The following ANKRD36C variants were observed in gnomAD, a reference collection of about 807,000 sequenced individuals.
The protein encoded by ANKRD36C is ankyrin repeat domain-containing protein 36C.
ANKRD36C carries 61 observed loss-of-function variants against 276.4 expected under a neutral mutation model. The observed-to-expected ratio is 0.22, with a 90% confidence interval of 0.18 to 0.27. The LOEUF is 0.27. ANKRD36C is among the 10% of genes least tolerant of loss of function. ANKRD36C has a pLI of 1.00. For missense variants in ANKRD36C, 1,447 were observed against 2,032.3 expected (o/e 0.71, Z 5.54); for synonymous variants, 483 against 680.1 (o/e 0.71, Z 4.51).
At chr2:95,896,781 C>T (rs1377634808) in intron 44 of ANKRD36C, among the ~76,000 whole-genome samples, 2 of 149,330 alleles carry the variant, frequency 1.3e-5, no homozygotes, top group African/African-American at 2.5e-5. Flanking sequence ...ATATAAATGA[C>T]TTCCTCTTTT....
exon 42 of ANKRD36C, chr2:95,912,250 T>C: frequency 4.5e-6 from 7 of 1,549,270 alleles, no homozygotes; most frequent in Non-Finnish European, 6.1e-6. Context: ...TTACCTGTCC[T>C]AGATGTTTCT....
intron 12 of ANKRD36C, among the ~76,000 whole-genome samples, chr2:95,957,616 A>C (rs1414590288): frequency 6.6e-6 from 1 of 152,280 alleles, no homozygotes; most frequent in Admixed American, 6.5e-5. Context: ...AAATTATCAA[A>C]TTTGATATAC....
chr2:95,971,486 TTAAAA>T (rs1168111101), intron 6 of ANKRD36C, among the ~76,000 whole-genome samples: 4 of 152,054 alleles, frequency 2.6e-5, no homozygotes, highest in Admixed American at 1.3e-4. Flanking sequence ...AAAACTGCTC[TTAAAA>T]TAAAGTTATT....
chr2:95,912,162 A>C, intron 42 of ANKRD36C, 82 bp downstream of exon 44: 3 of 1,519,564 alleles, frequency 2.0e-6, no homozygotes, highest in Non-Finnish European at 2.7e-6. Flanking sequence ...TGCAGCTTCG[A>C]CCAGCCCCCC....
At chr2:95,902,530 T>G (rs551888886) in intron 42 of ANKRD36C, among the ~76,000 whole-genome samples, 62 of 150,638 alleles carry the variant, frequency 4.1e-4, no homozygotes, top group Admixed American at 3.6e-3. Context: ...TTCTTGGCAG[T>G]ACGATCTGAA....
chr2:95,942,285 G>A (rs1677915603), intron 19 of ANKRD36C, among the ~76,000 whole-genome samples: 1 of 152,220 alleles, frequency 6.6e-6, no homozygotes, highest in Non-Finnish European at 1.5e-5. Context: ...CAAAATATGG[G>A]ATTCAAAATT....
At chr2:95,855,296 G>A (rs770224860) in exon 63 of ANKRD36C, 5 of 1,599,612 alleles carry the variant, frequency 3.1e-6, no homozygotes, top group Non-Finnish European at 2.6e-6. Context: ...TTTCATATTG[G>A]CATTTTTTTT....
exon 38 of ANKRD36C, chr2:95,916,049 T>C (rs769874073): frequency 8.2e-6 from 13 of 1,586,022 alleles, no homozygotes; most frequent in Middle Eastern, 2.3e-4. Context: ...TCATCACTTG[T>C]AGCCTGAATG....
intron 42 of ANKRD36C, among the ~76,000 whole-genome samples, 163 bp downstream of exon 54, chr2:95,902,723 C>A (rs1308579418): frequency 1.3e-5 from 2 of 150,284 alleles, no homozygotes; most frequent in Non-Finnish European, 3.0e-5. Flanking sequence ...ATGTTCCAGA[C>A]CAGCATCATC....
chr2:95,890,685 C>A (rs564982431), intron 46 of ANKRD36C, among the ~76,000 whole-genome samples: 3 of 151,648 alleles, frequency 2.0e-5, no homozygotes, highest in East Asian at 2.0e-4. Context: ...ATAAAGATAT[C>A]ATCAATTATC....
chr2:95,852,956 A>G (rs965582029), intron 64 of ANKRD36C: 1 of 152,338 alleles, frequency 6.6e-6, no homozygotes, highest in East Asian at 1.9e-4. Flanking sequence ...TCCATTAAAC[A>G]TGCCAAAGGA....
intron 26 of ANKRD36C, among the ~76,000 whole-genome samples, chr2:95,928,160 T>C (rs796981360): frequency 1.3e-5 from 2 of 151,676 alleles, no homozygotes. Context: ...AAGTTTTACA[T>C]TCAGAAATCA....
chr2:95,850,708 G>A (rs1226507907), downstream of ANKRD36C, among the ~76,000 whole-genome samples: 2 of 152,196 alleles, frequency 1.3e-5, no homozygotes, highest in Non-Finnish European at 2.9e-5. Flanking sequence ...CAATGACAAA[G>A]TCAATGACTA....
At chr2:95,912,793 T>C (rs1676973345) in intron 40 of ANKRD36C, among the ~76,000 whole-genome samples, 1 of 151,494 alleles carries the variant, frequency 6.6e-6, no homozygotes, top group South Asian at 2.1e-4. Context: ...AGGTGCTATA[T>C]GATCCCATAT....
intron 6 of ANKRD36C, among the ~76,000 whole-genome samples, chr2:95,963,972 A>AAATATAT (rs1678521431): frequency 2.0e-5 from 1 of 48,992 alleles, no homozygotes; most frequent in Non-Finnish European, 3.7e-5. Flanking sequence ...TATATATATA[A>AAATATAT]ATATATATAT....
intron 4 of ANKRD36C, 70 bp downstream of exon 4, chr2:95,982,186 T>C (rs1385798876): frequency 3.2e-6 from 4 of 1,232,138 alleles, no homozygotes; most frequent in Non-Finnish European, 4.4e-6. Flanking sequence ...ATTTGTGACT[T>C]CAGTGACCGC....
chr2:95,889,837 A>G, exon 48 of ANKRD36C: 2 of 1,601,764 alleles, frequency 1.2e-6, no homozygotes, highest in Middle Eastern at 1.7e-4. Context: ...TTCTGTGGCC[A>G]TATTCGGAAC....
intron 44 of ANKRD36C, among the ~76,000 whole-genome samples, chr2:95,892,241 CA>C: frequency 6.6e-6 from 1 of 151,580 alleles, no homozygotes; most frequent in South Asian, 2.1e-4. Flanking sequence ...TTTCATGCAA[CA>C]AATCAAAAGG....
chr2:95,861,382 A>G (rs769120905), intron 60 of ANKRD36C, among the ~76,000 whole-genome samples: 140 of 152,052 alleles, frequency 9.2e-4, no homozygotes, highest in Non-Finnish European at 1.8e-3. Context: ...AAGAAGAGAC[A>G]GAAAAAAAAT....
Sources: allele counts gnomAD v4.1 joint callset (sites outside exome capture counted in the v4.1 genomes callset), GRCh38; gene constraint gnomAD v4.1.1; transcripts MANE v1.5; gene names NCBI Gene and HGNC (gene_info 2026-07-23, HGNC 2026-07-21).